Variants in UBE2G1 observed in about 807,000 individuals in gnomAD.
UBE2G1 encodes the protein ubiquitin-conjugating enzyme E2 G1.
UBE2G1 carries 5 observed loss-of-function variants against 22.7 expected under a neutral mutation model. The observed-to-expected ratio is 0.22, with a 90% CI of 0.12 to 0.46. The LOEUF is 0.46. UBE2G1 is among the 20% of genes least tolerant of loss of function. The probability of loss-of-function intolerance (pLI) is 0.99; values close to 1 mark genes in which losing one functional copy is unlikely to be tolerated. For missense variants in UBE2G1, 88 were observed against 203.9 expected (o/e 0.43, Z 3.46); for synonymous variants, 74 against 67.5 (o/e 1.10, Z -0.47).
intron 2 of UBE2G1, among the ~76,000 whole-genome samples, chr17:4,300,328 A>G (rs1199166787): frequency 6.6e-6 from 1 of 151,284 alleles, no homozygotes; most frequent in Non-Finnish European, 1.5e-5. Flanking sequence ...GGATCACTTG[A>G]GGTCAGGAGT....
At chr17:4,305,984 T>C (rs564471927) in intron 2 of UBE2G1, among the ~76,000 whole-genome samples, 17 of 152,396 alleles carry the variant, frequency 1.1e-4, no homozygotes, top group African/African-American at 4.1e-4. Flanking sequence ...CTTCTTCTAC[T>C]GCTCTTTCAC....
intron 3 of UBE2G1, among the ~76,000 whole-genome samples, chr17:4,296,366 G>A (rs1330160991): frequency 6.6e-6 from 1 of 152,096 alleles, no homozygotes; most frequent in African/African-American, 2.4e-5. Flanking sequence ...GGGTTCAAGC[G>A]ATTCTTGTGC....
At chr17:4,344,391 T>C (rs1969745835) in intron 1 of UBE2G1, among the ~76,000 whole-genome samples, 2 of 151,766 alleles carry the variant, frequency 1.3e-5, no homozygotes, top group African/African-American at 4.8e-5. Context: ...CTACAAAAAA[T>C]TAGCTGGGTG....
intron 2 of UBE2G1, among the ~76,000 whole-genome samples, chr17:4,298,417 C>G (rs1969135777): frequency 1.3e-5 from 2 of 152,142 alleles, no homozygotes; most frequent in South Asian, 2.1e-4. Flanking sequence ...CAATAGTTAA[C>G]TAACAATAGT....
intron 5 of UBE2G1, among the ~76,000 whole-genome samples, chr17:4,278,446 T>TA (rs35977240): frequency 0.34 from 50,697 of 151,278 alleles, 8,592 homozygotes; most frequent in Middle Eastern, 0.39. Flanking sequence ...AAAGAAAAAA[T>TA]AAAAAAAAAT....
chr17:4,347,530 A>C (rs1245354924), intron 1 of UBE2G1, among the ~76,000 whole-genome samples: 1 of 130,384 alleles, frequency 7.7e-6, no homozygotes, highest in East Asian at 2.2e-4. Context: ...ACTGGAGTGC[A>C]GTGGCACAAT....
chr17:4,309,991 T>C (rs568491180), intron 1 of UBE2G1, among the ~76,000 whole-genome samples: 4 of 152,216 alleles, frequency 2.6e-5, no homozygotes, highest in Non-Finnish European at 4.4e-5. Flanking sequence ...GCTTGTTCCA[T>C]GTAAGTAATA....
At chr17:4,302,576 A>AT in intron 2 of UBE2G1, 1 of 390,636 alleles carries the variant, frequency 2.6e-6, no homozygotes, top group Non-Finnish European at 5.1e-6. Flanking sequence ...AGTTTTCTTC[A>AT]TTGCCTGTGA....
chr17:4,337,085 T>A (rs1720584211), intron 1 of UBE2G1, among the ~76,000 whole-genome samples: 1 of 152,114 alleles, frequency 6.6e-6, no homozygotes, highest in Non-Finnish European at 1.5e-5. Flanking sequence ...AATGGAGTAA[T>A]GTAAATCAAA....
At chr17:4,332,221 C>T (rs532566666) in intron 1 of UBE2G1, among the ~76,000 whole-genome samples, 3 of 152,236 alleles carry the variant, frequency 2.0e-5, no homozygotes, top group African/African-American at 7.2e-5. Context: ...AATTTTACTT[C>T]TTGTCCACTA....
intron 5 of UBE2G1, among the ~76,000 whole-genome samples, chr17:4,274,878 T>C (rs922508239): frequency 1.8e-5 from 1 of 56,208 alleles, no homozygotes; most frequent in African/African-American, 4.7e-5. Flanking sequence ...CAGGAGACCC[T>C]TGTCTGTACA....
rs1040847341 is a variant in UBE2G1 at position 4,313,613 on chromosome 17, G to C, written c.47-6490C>G. Among the ~76,000 whole-genome samples the C allele has an allele frequency of 3.9e-5, 6 of 152,090 alleles. No individual in the cohort carries two copies. The East Asian group carries it at 1.2e-3, about 29-fold the overall frequency. ...AACTAACCAACAGTATTACAAATCA[G>C]GACGATAGTATTTCTCTCTCTCTCT... is the stretch of plus-strand genomic sequence containing the variant. On this transcript the variant is annotated intron_variant, in intron 1 of 5. Transcript: ENST00000396981.
chr17:4,308,487 T>C (rs756440889), intron 1 of UBE2G1, among the ~76,000 whole-genome samples: 5 of 152,118 alleles, frequency 3.3e-5, no homozygotes, highest in Non-Finnish European at 5.9e-5. Context: ...ATCACGCCAT[T>C]GCACTCCAGC....
At chr17:4,310,581 G>C (rs1969298417) in intron 1 of UBE2G1, among the ~76,000 whole-genome samples, 1 of 152,180 alleles carries the variant, frequency 6.6e-6, no homozygotes, top group South Asian at 2.1e-4. Context: ...TCAAAAGCTG[G>C]ACAGCAAAGG....
intron 1 of UBE2G1, among the ~76,000 whole-genome samples, chr17:4,348,191 G>A (rs139383102): frequency 0.012 from 1,819 of 152,256 alleles, 35 homozygotes; most frequent in African/African-American, 0.042. Context: ...CCAGGAGGCT[G>A]AGGCTGCAGT....
intron 1 of UBE2G1, among the ~76,000 whole-genome samples, chr17:4,309,013 C>T (rs1301279261): frequency 6.6e-6 from 1 of 152,188 alleles, no homozygotes; most frequent in Non-Finnish European, 1.5e-5. Flanking sequence ...AATCTCAACG[C>T]TTTCAGGAAG....
chr17:4,305,659 A>C (rs1425680952), intron 2 of UBE2G1, among the ~76,000 whole-genome samples: 1 of 152,188 alleles, frequency 6.6e-6, no homozygotes, highest in Non-Finnish European at 1.5e-5. Flanking sequence ...CTCCTGCCTC[A>C]GCCTCCTGAG....
At chr17:4,344,537 T>C (rs1191383005) in intron 1 of UBE2G1, among the ~76,000 whole-genome samples, 2 of 148,514 alleles carry the variant, frequency 1.3e-5, no homozygotes, top group Non-Finnish European at 3.0e-5. Context: ...TGAAACGCCA[T>C]ATGAAGAAAG....
chr17:4,307,629 A>G (rs1317906066), intron 1 of UBE2G1, among the ~76,000 whole-genome samples: 1 of 152,172 alleles, frequency 6.6e-6, no homozygotes, highest in Non-Finnish European at 1.5e-5. Flanking sequence ...CTGCTTCTAC[A>G]GTGGGTGCTC....
Sources: allele counts gnomAD v4.1 joint callset (sites outside exome capture counted in the v4.1 genomes callset), GRCh38; gene constraint gnomAD v4.1.1; transcripts MANE v1.5; gene names NCBI Gene and HGNC (gene_info 2026-07-23, HGNC 2026-07-21).